The following HAUS6 variants were observed in gnomAD, a reference collection of about 807,000 sequenced individuals.
HAUS6 encodes HAUS augmin like complex subunit 6.
In HAUS6, 80 loss-of-function variants were observed where a neutral mutation model predicts 106.8. That is an observed-to-expected ratio of 0.75 (90% CI 0.63 to 0.90). The LOEUF (loss-of-function observed/expected upper bound fraction) is 0.90. Among genes scored for constraint, HAUS6 ranks in the 40% least tolerant of loss-of-function variants. The pLI, the probability that HAUS6 is intolerant of heterozygous loss-of-function variation, is 0.00. For synonymous variants in HAUS6, 356 were observed against 379.1 expected (o/e 0.94, Z 0.71); for missense variants, 1,155 against 1,118.1 (o/e 1.03, Z -0.47).
chr9:19,093,100 G>A (rs41269009), intron 4 of HAUS6, 71 bp downstream of exon 4: 150,969 of 1,104,884 alleles, frequency 0.14, 10,531 homozygotes, highest in Admixed American at 0.18. Flanking sequence ...ATCTCTTCAC[G>A]ATTTAAAAAT....
chr9:19,094,395 T>C lies in HAUS6; in HGVS notation c.225A>G (p.Lys75=), dbSNP rs745460790. Residue 75 remains lysine, a splice_region_variant and synonymous_variant, in exon 3 of 17, where the codon AAA becomes AAG. Coordinates refer to ENST00000380502, the MANE Select transcript of HAUS6 (RefSeq NM_017645.5). ...TTTGGTCAAATGGGGGCCAACAAAA[T>C]CTGGAAAACAAAAATAAAAGCGTAA... is the stretch of plus-strand genomic sequence containing the variant. ...LDQSLTKEVF[K]FCWPPFDQKS... is the part of the protein sequence containing the mutation. The C allele has an allele frequency of 6.3e-7, 1 of 1,588,848 alleles. No homozygotes were observed. Among genetic ancestry groups the C allele is most frequent in the Non-Finnish European group, 8.6e-7 (1 of 1,159,594 alleles).
Position 19,055,314 on chromosome 9 carries a change from T to C in HAUS6, c.*1029A>G, listed in dbSNP as rs564007160. ...CCTCCTGGTTCACAGAGGGCAATAG[T>C]ATGTGTTCACTTGGATGCTAGACAC... On this transcript the variant is annotated 3_prime_UTR_variant, in exon 17 of 17. Coordinates refer to ENST00000380502, the MANE Select transcript of HAUS6 (RefSeq NM_017645.5). The C allele has an allele frequency of 6.6e-6, 1 of 152,350 alleles. No homozygotes were observed. Among genetic ancestry groups the C allele is most frequent in the Admixed American group, 6.5e-5 (1 of 15,306 alleles). 9.4% of individuals were successfully genotyped at this position (152,350 alleles called of 1,614,324 possible).
intron 1 of HAUS6, among the ~76,000 whole-genome samples, chr9:19,098,788 C>T (rs1817919318): frequency 1.3e-5 from 2 of 152,056 alleles, no homozygotes; most frequent in South Asian, 4.2e-4. Context: ...TCTGGGAGGC[C>T]GAGGCAGGTG....
Position 19,060,237 on chromosome 9 carries a change from G to A in HAUS6, c.1630-14C>T, listed in dbSNP as rs1236790459. 9 of 1,504,182 alleles carry A rather than the reference G, an allele frequency of 6.0e-6. No individual in the cohort carries two copies. Among genetic ancestry groups the A allele is most frequent in the Admixed American group, 5.0e-5 (2 of 40,130 alleles). 93.2% of individuals were successfully genotyped at this position (1,504,182 alleles called of 1,614,324 possible). On this transcript the variant is annotated splice_polypyrimidine_tract_variant and intron_variant, in intron 14 of 16. Transcript: ENST00000380502. ...TGCTCTGGCAACCTAAAACAGAAAA[G>A]AAAAAGTAAAGCAAAGATTACCAAG...
chr9:19,069,117 A>G (rs1836830468), intron 12 of HAUS6, among the ~76,000 whole-genome samples: 1 of 152,208 alleles, frequency 6.6e-6, no homozygotes, highest in Non-Finnish European at 1.5e-5. Context: ...GTTATGTTAG[A>G]TACATCCACA....
rs532622970 is a variant in HAUS6 at position 19,053,803 on chromosome 9, A to G, written c.*2540T>C. ...ATAGGAGGCAAACAAAACAATTCCA[A>G]AACTTAAATATTGATAAAGATGACA... On this transcript the variant is annotated 3_prime_UTR_variant, in exon 17 of 17. Coordinates refer to ENST00000380502, the MANE Select transcript of HAUS6 (RefSeq NM_017645.5). 7 of 152,262 alleles carry G rather than the reference A, an allele frequency of 4.6e-5. No homozygotes were observed. The highest frequency in any genetic ancestry group is 1.7e-4 in the African/African-American group (7 of 41,564). The allele number at this position is 152,262 out of a possible 1,614,324, so 9.4% of individuals were successfully genotyped here.
intron 5 of HAUS6, 68 bp downstream of exon 5, chr9:19,089,344 T>G: frequency 1.8e-5 from 18 of 997,286 alleles, no homozygotes; most frequent in Non-Finnish European, 2.5e-5. Context: ...TTATTTCTCC[T>G]GACATTATAT....
rs1817868293 is a variant in HAUS6, at chr9:19,096,590, GGA to G, written c.224+82_224+83del. The G allele has an allele frequency of 1.4e-5, 6 of 416,758 alleles. No homozygotes were observed. In the South Asian group the frequency reaches 2.3e-4, roughly 16 times the overall value. 25.8% of individuals were successfully genotyped at this position (416,758 alleles called of 1,614,324 possible). A position where few individuals can be genotyped will look rare whatever the true frequency, so the allele number is the denominator to read the frequency against. On this transcript the variant is annotated intron_variant, in intron 2 of 16. Coordinates refer to ENST00000380502, the MANE Select transcript of HAUS6 (RefSeq NM_017645.5). ...AAAAAAAAAAAAAAAAAAAAAAAAA[GGA>G]GAGAATTCTGGCTTGTATCAAAACG... is the stretch of plus-strand genomic sequence containing the variant.
At position 19,058,023 on chromosome 9, in the gene HAUS6, G is replaced by C. The variant is rs1332078509; in HGVS notation, c.2744C>G (p.Pro915Arg). Residue 915 changes from proline to arginine, a missense_variant, in exon 16 of 17, where the codon CCA (proline) becomes CGA (arginine). Pro to Arg is a moderately radical substitution (Grantham distance 103). Coordinates refer to ENST00000380502, the MANE Select transcript of HAUS6 (RefSeq NM_017645.5). ...RSLSPLIKFS[P>R]VEQRLRTTIA... ...TGTGGTTCTCAATCTTTGTTCCACT[G>C]GAGAAAACTTAATTAGTGGTGAAAG... 1 of 1,611,782 alleles carries C rather than the reference G, an allele frequency of 6.2e-7. No homozygotes were observed. Among genetic ancestry groups the C allele is most frequent in the Non-Finnish European group, 8.5e-7 (1 of 1,177,892 alleles).
chr9:19,097,709 CA>C (rs1817893640), intron 1 of HAUS6, among the ~76,000 whole-genome samples: 1 of 151,136 alleles, frequency 6.6e-6, no homozygotes, highest in African/African-American at 2.4e-5. Flanking sequence ...ATCTTTATAA[CA>C]TAATGCTGGC....
intron 9 of HAUS6, among the ~76,000 whole-genome samples, chr9:19,079,657 G>T (rs549510839): frequency 3.6e-4 from 55 of 152,130 alleles, no homozygotes; most frequent in Admixed American, 3.5e-3. Context: ...TAAAAAAACT[G>T]TTCGAAAGGC....
intron 8 of HAUS6, among the ~76,000 whole-genome samples, chr9:19,081,231 C>T (rs1255421613): frequency 6.6e-6 from 1 of 151,934 alleles, no homozygotes; most frequent in Non-Finnish European, 1.5e-5. Context: ...AGGTTGAAAA[C>T]TAGAATAAAA....
intron 10 of HAUS6, among the ~76,000 whole-genome samples, chr9:19,077,407 C>T (rs1203211836): frequency 6.6e-6 from 1 of 152,094 alleles, no homozygotes; most frequent in Non-Finnish European, 1.5e-5. Context: ...TGGTGGCGGG[C>T]ACCTTTAGTC....
In HAUS6 at chr9:19,087,132, G is replaced by C. The variant is rs755592840; in HGVS notation, c.609C>G (p.Asn203Lys). 7.2e-6 allele frequency: 11 copies of C among 1,533,790 alleles called. No homozygotes were observed. The East Asian group carries it at 2.5e-4, about 34-fold the overall frequency. ...NAQLSVKQVR[N>K]LRSECIGLEN... is the part of the protein sequence containing the mutation. ...CCAATCCTATACATTCAGATCTCAA[G>C]TTTCGTACCTGCTTAACTGATAATC... The change falls in exon 6 of 17, where the codon AAC becomes AAG. Residue 203 changes from asparagine (N) to lysine (K), a missense_variant. This residue lies in a region of HAUS6 where 761 missense variants were observed against 690.0 expected (regional missense o/e 1.10). Coordinates refer to ENST00000380502, the MANE Select transcript of HAUS6 (RefSeq NM_017645.5).
chr9:19,056,025 G>A lies in HAUS6; in HGVS notation c.*318C>T. On this transcript the variant is annotated 3_prime_UTR_variant, in exon 17 of 17. Coordinates refer to ENST00000380502, the MANE Select transcript of HAUS6 (RefSeq NM_017645.5). ...TTAATTGACTGAAGTTATAACATAAGAAATAAGTTACACTACTACTTTGTC... is the reference window on the plus strand; with the variant it reads ...TTAATTGACTGAAGTTATAACATAAAAAATAAGTTACACTACTACTTTGTC... 2 of 257,850 alleles carry A rather than the reference G, an allele frequency of 7.8e-6. No homozygotes were observed. The highest frequency in any genetic ancestry group is 7.3e-5 in the East Asian group (1 of 13,722). 16.0% of individuals were successfully genotyped at this position (257,850 alleles called of 1,614,324 possible).
chr9:19,092,406 G>A (rs751295135), intron 4 of HAUS6, among the ~76,000 whole-genome samples: 39 of 150,122 alleles, frequency 2.6e-4, no homozygotes, highest in African/African-American at 9.1e-4. Flanking sequence ...ACCTGAGGTC[G>A]GGAGTTTGAG....
Position 19,096,654 on chromosome 9 carries a change from A to C in HAUS6, c.224+20T>G. On this transcript the variant is annotated intron_variant, in intron 2 of 16. Transcript: ENST00000380502. ...CAAATTTGGAAAGAAATTTAAGAAAATGAAATTATTTTTCCTTACTTGAAA... is the reference window on the plus strand; with the variant it reads ...CAAATTTGGAAAGAAATTTAAGAAACTGAAATTATTTTTCCTTACTTGAAA... 1 of 1,075,256 alleles carries C rather than the reference A, an allele frequency of 9.3e-7. No homozygotes were observed. The highest frequency in any genetic ancestry group is 1.4e-6 in the Non-Finnish European group (1 of 721,044). The allele number at this position is 1,075,256 out of a possible 1,614,324, so 66.6% of individuals were successfully genotyped here.
At chr9:19,071,376 G>C (rs925323811) in intron 11 of HAUS6, among the ~76,000 whole-genome samples, 6 of 152,032 alleles carry the variant, frequency 3.9e-5, no homozygotes, top group African/African-American at 1.4e-4. Flanking sequence ...CCCAACAATA[G>C]GAGTTTCAGA....
intron 8 of HAUS6, among the ~76,000 whole-genome samples, chr9:19,081,953 T>C (rs1406111569): frequency 6.6e-6 from 1 of 152,130 alleles, no homozygotes; most frequent in Non-Finnish European, 1.5e-5. Context: ...TCTTTGTATC[T>C]CTCCAGTATA....
Sources: gnomAD v4.1 joint callset for allele counts (sites outside exome capture counted in the v4.1 genomes callset) on GRCh38, gnomAD v4.1.1 for gene constraint, gnomAD v4.1.1 regional missense constraint, MANE v1.5 for transcripts, NCBI Gene and HGNC (gene_info 2026-07-23, HGNC 2026-07-21) for gene names.